CDH7: variants seen among roughly 807,000 people sequenced by gnomAD.
CDH7 encodes cadherin 7.
In CDH7, 25 loss-of-function variants were observed where a neutral mutation model predicts 71.8. The ratio of observed to expected loss-of-function variants is 0.35; its 90% CI spans 0.25 to 0.49. The LOEUF (loss-of-function observed/expected upper bound fraction) is 0.49. CDH7 is among the 20% of genes least tolerant of loss of function. The probability of loss-of-function intolerance (pLI) is 0.99; values close to 1 mark genes in which losing one functional copy is unlikely to be tolerated. For missense variants in CDH7, 862 were observed against 974.6 expected (o/e 0.88, Z 1.54); for synonymous variants, 381 against 363.8 (o/e 1.05, Z -0.54).
chr18:65,867,609 T>C (rs1270634395), intron 11 of CDH7, among the ~76,000 whole-genome samples: 1 of 152,246 alleles, frequency 6.6e-6, no homozygotes, highest in African/African-American at 2.4e-5. Context: ...CTTAAAATAT[T>C]ACAGCTAAAT....
rs1410061131 is a variant in CDH7, at chr18:65,883,419, T to C, written c.*2525T>C. 6 of 151,984 alleles carry C rather than the reference T, an allele frequency of 3.9e-5. No individual in the cohort carries two copies. Among genetic ancestry groups the C allele is most frequent in the Non-Finnish European group, 8.8e-5 (6 of 67,916 alleles). The allele number at this position is 151,984 out of a possible 1,614,324, so 9.4% of individuals were successfully genotyped here. A position where few individuals can be genotyped will look rare whatever the true frequency, so the allele number is the denominator to read the frequency against. ...ATGATGACTGTCAATACTTGAGATA[T>C]AGGCTTTGTTTTAAAAACAGTGATT... On this transcript the variant is annotated 3_prime_UTR_variant, in exon 12 of 12. Coordinates refer to ENST00000397968, the MANE Select transcript of CDH7 (RefSeq NM_004361.5).
chr18:65,838,994 A>T (rs2143977804), intron 6 of CDH7, among the ~76,000 whole-genome samples: 1 of 152,300 alleles, frequency 6.6e-6, no homozygotes, highest in African/African-American at 2.4e-5. Context: ...TGTGTCAGTC[A>T]CTGTTCTAGG....
intron 1 of CDH7, among the ~76,000 whole-genome samples, chr18:65,754,037 C>G (rs914963036): frequency 6.6e-6 from 1 of 152,046 alleles, no homozygotes; most frequent in Non-Finnish European, 1.5e-5. Flanking sequence ...GCTAAGATTT[C>G]TTGTAAGAAT....
At chr18:65,827,550 T>C (rs1912177476) in intron 6 of CDH7, among the ~76,000 whole-genome samples, 1 of 151,920 alleles carries the variant, frequency 6.6e-6, no homozygotes, top group Non-Finnish European at 1.5e-5. Flanking sequence ...ATTTTCCATA[T>C]CATTTTGAGC....
chr18:65,868,690 G>T (rs1913838277), intron 11 of CDH7, among the ~76,000 whole-genome samples: 1 of 152,084 alleles, frequency 6.6e-6, no homozygotes, highest in Non-Finnish European at 1.5e-5. Flanking sequence ...AAGAGTGTGT[G>T]TTAAATTTGA....
intron 2 of CDH7, among the ~76,000 whole-genome samples, chr18:65,802,603 C>T (rs1301164754): frequency 6.6e-6 from 1 of 152,138 alleles, no homozygotes; most frequent in Non-Finnish European, 1.5e-5. Context: ...ATGGAGTTTA[C>T]AACTAAGAGA....
intron 6 of CDH7, among the ~76,000 whole-genome samples, chr18:65,831,474 A>C (rs1422003404): frequency 3.3e-5 from 5 of 152,172 alleles, no homozygotes; most frequent in African/African-American, 1.2e-4. Flanking sequence ...CCATTTTGTA[A>C]CTAGAGTTTA....
Position 65,796,001 on chromosome 18 carries a change from A to T in CDH7, c.211-13703A>T, listed in dbSNP as rs189854996. ...ATCGTAAGTTCCCTGAAGCCTACCC[A>T]GCCATGCAGAACTGTGAGTCAATTA... On this transcript the variant is annotated intron_variant, in intron 2 of 11. Coordinates refer to ENST00000397968, the MANE Select transcript of CDH7 (RefSeq NM_004361.5). Among the ~76,000 whole-genome samples, 8 of 152,262 alleles carry T rather than the reference A, an allele frequency of 5.3e-5. No individual in the cohort carries two copies. In the East Asian group the frequency reaches 1.5e-3, roughly 29 times the overall value.
Position 65,883,400 on chromosome 18 carries a change from A to G in CDH7, c.*2506A>G, listed in dbSNP as rs1445673956. 6.6e-6 allele frequency: 1 copy of G among 151,962 alleles called. No homozygotes were observed. The highest frequency in any genetic ancestry group is 1.5e-5 in the Non-Finnish European group (1 of 67,920). The allele number at this position is 151,962 out of a possible 1,614,324, so 9.4% of individuals were successfully genotyped here. A position where few individuals can be genotyped will look rare whatever the true frequency, so the allele number is the denominator to read the frequency against. ...CTGAAATCTAATGCTATATATGATG[A>G]CTGTCAATACTTGAGATATAGGCTT... On this transcript the variant is annotated 3_prime_UTR_variant, in exon 12 of 12. Coordinates refer to ENST00000397968, the MANE Select transcript of CDH7 (RefSeq NM_004361.5).
chr18:65,862,996 A>T, intron 11 of CDH7, 79 bp downstream of exon 11: 1 of 1,455,086 alleles, frequency 6.9e-7, no homozygotes, highest in South Asian at 1.2e-5. Context: ...TATCTTCTCC[A>T]TTTGGTGAAC....
Position 65,762,685 on chromosome 18 carries a change from A to C in CDH7, c.-158A>C, listed in dbSNP as rs375417489. On this transcript the variant is annotated 5_prime_UTR_variant, in exon 2 of 12. Transcript: ENST00000397968. ...CATTCTTTGGCGAAGGCTATTCAGC[A>C]GTGGTGACCTCTTCCAATCCAACAC... 1.0e-4 allele frequency: 62 copies of C among 606,124 alleles called. No homozygotes were observed. In the East Asian group the frequency reaches 1.2e-3, roughly 12 times the overall value. The allele number at this position is 606,124 out of a possible 1,614,324, so 37.5% of individuals were successfully genotyped here.
At chr18:65,784,063 C>T (rs78587526) in intron 2 of CDH7, among the ~76,000 whole-genome samples, 2,240 of 151,452 alleles carry the variant, frequency 0.015, 46 homozygotes, top group African/African-American at 0.051. Flanking sequence ...GGGATGCTCC[C>T]TCCTCAGCTG....
intron 4 of CDH7, among the ~76,000 whole-genome samples, chr18:65,820,621 T>C (rs373924477): frequency 3.3e-5 from 5 of 152,288 alleles, no homozygotes; most frequent in Admixed American, 2.0e-4. Flanking sequence ...GTTCAATAGT[T>C]GAGGAATTTG....
chr18:65,772,912 C>G (rs982009775), intron 2 of CDH7, among the ~76,000 whole-genome samples: 3 of 152,132 alleles, frequency 2.0e-5, no homozygotes, highest in African/African-American at 7.2e-5. Flanking sequence ...ATATTTGTGA[C>G]CAAAACAATA....
chr18:65,800,676 C>T lies in CDH7; in HGVS notation c.211-9028C>T, dbSNP rs190106189. 7.9e-5 allele frequency among the ~76,000 whole-genome samples: 12 copies of T among 152,108 alleles called. No individual in the cohort carries two copies. In the East Asian group the frequency reaches 1.5e-3, roughly 20 times the overall value. Reference sequence around the variant, plus strand: ...AGTAGGAGAAGATGAATAAACTATTCTATACTCTTTAAAATTTTTTAAATT... The same window carrying T: ...AGTAGGAGAAGATGAATAAACTATTTTATACTCTTTAAAATTTTTTAAATT... On this transcript the variant is annotated intron_variant, in intron 2 of 11. Transcript: ENST00000397968.
chr18:65,800,816 GT>G (rs1911095613), intron 2 of CDH7, among the ~76,000 whole-genome samples: 1 of 152,036 alleles, frequency 6.6e-6, no homozygotes, highest in Admixed American at 6.6e-5. Context: ...TGGATTCTGT[GT>G]GTTACTCAGT....
chr18:65,760,756 C>T (rs1916167668), intron 1 of CDH7, among the ~76,000 whole-genome samples: 1 of 152,136 alleles, frequency 6.6e-6, no homozygotes, highest in African/African-American at 2.4e-5. Flanking sequence ...TTTGCCCCTT[C>T]CCATACTGTC....
chr18:65,810,513 G>T (rs146919834), intron 3 of CDH7, among the ~76,000 whole-genome samples: 324 of 152,262 alleles, frequency 2.1e-3, no homozygotes, highest in African/African-American at 6.6e-3. Flanking sequence ...TAATGAGTAT[G>T]CTTGAACCTA....
chr18:65,857,284 A>G (rs1913393119), intron 7 of CDH7, among the ~76,000 whole-genome samples: 1 of 149,610 alleles, frequency 6.7e-6, no homozygotes, highest in African/African-American at 2.4e-5. Flanking sequence ...GGAATTCAAG[A>G]CCAGCCTGAG....
Sources: allele counts gnomAD v4.1 joint callset (sites outside exome capture counted in the v4.1 genomes callset), GRCh38; gene constraint gnomAD v4.1.1; transcripts MANE v1.5; gene names NCBI Gene and HGNC (gene_info 2026-07-23, HGNC 2026-07-21).